SCN10A: variants seen among roughly 807,000 people sequenced by gnomAD.
SCN10A encodes sodium voltage-gated channel alpha subunit 10.
Under a neutral mutation model 170.7 loss-of-function variants are expected in SCN10A, and 162 were observed. That is an observed-to-expected ratio of 0.95 (90% CI 0.84 to 1.08). SCN10A has a LOEUF of 1.08. SCN10A is among the 50% of genes least tolerant of loss of function. SCN10A has a pLI of 0.00. For synonymous variants in SCN10A, 985 were observed against 904.6 expected (o/e 1.09, Z -1.59); for missense variants, 2,527 against 2,436.9 (o/e 1.04, Z -0.78).
chr3:38,760,983 T>A (rs561726036), intron 7 of SCN10A, among the ~76,000 whole-genome samples: 2 of 152,280 alleles, frequency 1.3e-5, no homozygotes, highest in Admixed American at 1.3e-4. Context: ...TGCCTCTAGA[T>A]TTATGGCTCA....
intron 1 of SCN10A, among the ~76,000 whole-genome samples, chr3:38,800,649 G>GTT (rs149026564): frequency 6.6e-6 from 1 of 152,026 alleles, no homozygotes; most frequent in African/African-American, 2.4e-5. Flanking sequence ...CTCCCCAGAG[G>GTT]TTTTTTTGGG....
chr3:38,812,761 T>C (rs1432867919), intron 1 of SCN10A, among the ~76,000 whole-genome samples: 1 of 152,148 alleles, frequency 6.6e-6, no homozygotes, highest in Non-Finnish European at 1.5e-5. Context: ...CCGCTGGGCA[T>C]GGTAGCTCAC....
At chr3:38,735,719 C>CCAATTGGTGCCAGGATAGACCAA (rs2063553780) in intron 15 of SCN10A, among the ~76,000 whole-genome samples, 1 of 152,200 alleles carries the variant, frequency 6.6e-6, no homozygotes, top group African/African-American at 2.4e-5. Context: ...GACCAATGGA[C>CCAATTGGTGCCAGGATAGACCAA]TAACAGAGCA....
At chr3:38,803,322 A>G (rs1367351327) in intron 1 of SCN10A, among the ~76,000 whole-genome samples, 1 of 152,156 alleles carries the variant, frequency 6.6e-6, no homozygotes, top group Non-Finnish European at 1.5e-5. Flanking sequence ...AGGATTATAA[A>G]TCATGCTGCT....
intron 1 of SCN10A, among the ~76,000 whole-genome samples, chr3:38,811,750 A>G (rs1209892141): frequency 6.6e-6 from 1 of 152,160 alleles, no homozygotes; most frequent in African/African-American, 2.4e-5. Context: ...AGAGCTGGAC[A>G]ACAACCCAGA....
chr3:38,812,515 C>T (rs73064596), intron 1 of SCN10A, among the ~76,000 whole-genome samples: 16,245 of 151,950 alleles, frequency 0.11, 964 homozygotes, highest in Non-Finnish European at 0.12. Flanking sequence ...CAGTTTGATG[C>T]TTTTTAAAAA....
chr3:38,722,265 C>A lies in SCN10A; in HGVS notation c.3500G>T (p.Gly1167Val), dbSNP rs1182519862. ...FIIFMILLSS[G>V]SLAFEDYYLD... ...GACTATGCCTCCCCTTACCAGAGATCCACTGCTGAGCAGGATCATGAAGAT... is the reference window on the plus strand; with the variant it reads ...GACTATGCCTCCCCTTACCAGAGATACACTGCTGAGCAGGATCATGAAGAT... Residue 1167 changes from glycine to valine, a missense_variant, in exon 20 of 28, where the codon GGA becomes GTA. By Grantham distance (109) the Gly-to-Val change is moderately radical. Transcript: ENST00000449082. 2 of 1,613,670 alleles carry A rather than the reference C, an allele frequency of 1.2e-6. No individual in the cohort carries two copies. The highest frequency in any genetic ancestry group is 2.2e-5 in the South Asian group (2 of 91,020).
intron 3 of SCN10A, among the ~76,000 whole-genome samples, 178 bp from the exon 4 acceptor site, chr3:38,789,214 C>T (rs1261107097): frequency 6.6e-6 from 1 of 152,140 alleles, no homozygotes; most frequent in Admixed American, 6.5e-5. Context: ...GTACTTTGTC[C>T]ATGTTACTTC....
rs562039446 is a variant in SCN10A at position 38,816,133 on chromosome 3, G to A, written c.-129C>T. The A allele has an allele frequency of 3.9e-5, 6 of 152,298 alleles. No homozygotes were observed. The highest frequency in any genetic ancestry group is 1.3e-4 in the Admixed American group (2 of 15,298). 9.4% of individuals were successfully genotyped at this position (152,298 alleles called of 1,614,324 possible). A position where few individuals can be genotyped will look rare whatever the true frequency, so the allele number is the denominator to read the frequency against. On this transcript the variant is annotated 5_prime_UTR_variant, in exon 1 of 28. In the 5' UTR this introduces an upstream ATG that the reference lacks. Transcript: ENST00000449082. ...GAGACCACGAGCTCCTGGAACATACGTTCAGCTTAACATTCAGGCATAGCC... is the reference window on the plus strand; with the variant it reads ...GAGACCACGAGCTCCTGGAACATACATTCAGCTTAACATTCAGGCATAGCC...
Position 38,725,271 on chromosome 3 carries a change from G to A in SCN10A, c.3131C>T (p.Thr1044Ile), listed in dbSNP as rs769336373. ...QQVERCGDHL[T>I]PRSPGTGTSS... The stretch of plus-strand genomic sequence containing the variant: ...TGTTCCAGTGCCTGGGCTCCTGGGT[G>A]TCAGGTGGTCCCCACACCTCTCGAC... Residue 1044 changes from threonine (T) to isoleucine (I), a missense_variant, in exon 18 of 28, where the codon ACA (threonine) becomes ATA (isoleucine). Thr to Ile is a moderately conservative substitution (Grantham distance 89). Transcript: ENST00000449082. 6.3e-7 allele frequency: 1 copy of A among 1,599,930 alleles called. No individual in the cohort carries two copies. The highest frequency in any genetic ancestry group is 1.1e-5 in the South Asian group (1 of 89,320).
Position 38,752,354 on chromosome 3 carries a change from A to T in SCN10A, c.1620T>A (p.Gly540=), listed in dbSNP as rs2063756376. Reference sequence around the variant, plus strand: ...GGGGGCCTTGCTGGCCAGCACCCCCACCCAGCAGCAGAGAGCCCCGATGGC... The same window carrying T: ...GGGGGCCTTGCTGGCCAGCACCCCCTCCCAGCAGCAGAGAGCCCCGATGGC... ...HESHRGSLLL[G]GGAGQQGPLP... The change falls in exon 12 of 28, where the codon GGT becomes GGA. Residue 540 remains glycine, a synonymous_variant. Coordinates refer to ENST00000449082, the MANE Select transcript of SCN10A (RefSeq NM_006514.4). The T allele has an allele frequency of 6.2e-7, 1 of 1,613,718 alleles. No individual in the cohort carries two copies. Among genetic ancestry groups the T allele is most frequent in the South Asian group, 1.1e-5 (1 of 90,976 alleles).
chr3:38,725,184 A>G lies in SCN10A; in HGVS notation c.3218T>C (p.Val1073Ala), dbSNP rs6795970. The G allele has an allele frequency of 0.63, 999,691 of 1,594,466 alleles. 318,682 individuals are homozygous for G. Among genetic ancestry groups the G allele is most frequent in the African/African-American group, 0.91 (68,117 of 74,714 alleles). ...AGCTGACATACCTACCTCAGCAGGG[A>G]CCTGAGGAACAGACTCATCTTTCCA... The part of the protein sequence containing the change: ...ETWKDESVPQ[V>A]PAEGVDDTSS... The change falls in exon 18 of 28, where the codon GTC becomes GCC. Residue 1073 changes from valine (V) to alanine (A), a missense_variant. Coordinates refer to ENST00000449082, the MANE Select transcript of SCN10A (RefSeq NM_006514.4).
At chr3:38,725,430 C>A (rs1443165103) in intron 17 of SCN10A, 116 bp from the exon 18 acceptor site, 5 of 913,208 alleles carry the variant, frequency 5.5e-6, no homozygotes, top group Non-Finnish European at 8.0e-6. Flanking sequence ...ATATATGCAA[C>A]TCATGTACAT....
At chr3:38,801,947 C>T (rs1372401627) in intron 1 of SCN10A, among the ~76,000 whole-genome samples, 2 of 152,096 alleles carry the variant, frequency 1.3e-5, no homozygotes, top group Non-Finnish European at 2.9e-5. Flanking sequence ...TGGACATATC[C>T]CCTTTAATGC....
intron 8 of SCN10A, 124 bp from the exon 9 acceptor site, chr3:38,757,283 CA>C: frequency 1.1e-6 from 1 of 943,576 alleles, no homozygotes; most frequent in Non-Finnish European, 1.6e-6. Flanking sequence ...CTCTTATTAG[CA>C]GGATGATCTT....
At chr3:38,768,171 G>A (rs1315166902) in intron 5 of SCN10A, among the ~76,000 whole-genome samples, 1 of 144,038 alleles carries the variant, frequency 6.9e-6, no homozygotes, top group Non-Finnish European at 1.6e-5. Context: ...TAGATACTTG[G>A]TTGGTGGATT....
intron 1 of SCN10A, among the ~76,000 whole-genome samples, chr3:38,814,791 T>C (rs1014344814): frequency 2.6e-5 from 4 of 152,228 alleles, no homozygotes; most frequent in African/African-American, 4.8e-5. Context: ...AAAACCTTCC[T>C]AACATTTCAA....
intron 1 of SCN10A, among the ~76,000 whole-genome samples, chr3:38,803,647 C>G (rs559733842): frequency 1.3e-5 from 1 of 76,630 alleles, no homozygotes; most frequent in East Asian, 4.0e-4. Context: ...CTGGGCCTGT[C>G]GTGAGGTGGG....
chr3:38,813,264 A>G (rs2064451831), intron 1 of SCN10A, among the ~76,000 whole-genome samples: 1 of 152,092 alleles, frequency 6.6e-6, no homozygotes, highest in Non-Finnish European at 1.5e-5. Context: ...GCTCCTCCCT[A>G]CAGAGTATGA....
Sources: gnomAD v4.1 joint callset for allele counts (sites outside exome capture counted in the v4.1 genomes callset) on GRCh38, gnomAD v4.1.1 for gene constraint, MANE v1.5 for transcripts, NCBI Gene and HGNC (gene_info 2026-07-23, HGNC 2026-07-21) for gene names.